Variants in CTNNA1 observed in about 807,000 individuals in gnomAD.
CTNNA1 encodes the protein catenin alpha 1.
In CTNNA1, 37 loss-of-function variants were observed where a neutral mutation model predicts 98.4. The observed-to-expected ratio is 0.38, with a 90% CI of 0.29 to 0.49. The LOEUF (loss-of-function observed/expected upper bound fraction) is 0.49, where lower values mean the gene tolerates loss of function less well. Ranked by LOEUF, CTNNA1 falls within the 20% of genes least tolerant of loss-of-function variation. CTNNA1 has a pLI of 0.95. For missense variants in CTNNA1, 761 were observed against 1,147.2 expected (o/e 0.66, Z 4.86); for synonymous variants, 404 against 413.2 (o/e 0.98, Z 0.27).
intron 3 of CTNNA1, among the ~76,000 whole-genome samples, chr5:138,797,942 T>G (rs1757149132): frequency 6.6e-6 from 1 of 152,188 alleles, no homozygotes; most frequent in East Asian, 1.9e-4. Flanking sequence ...AAGCTTTGGT[T>G]GTAGCTATTA....
At chr5:138,799,896 G>GTC (rs370766965) in intron 3 of CTNNA1, among the ~76,000 whole-genome samples, 1 of 150,544 alleles carries the variant, frequency 6.6e-6, no homozygotes, top group Non-Finnish European at 1.5e-5. Context: ...ATGTATGTGT[G>GTC]TGTGTATGTG....
At chr5:138,846,653 A>G (rs762477269) in intron 7 of CTNNA1, among the ~76,000 whole-genome samples, 27 of 152,152 alleles carry the variant, frequency 1.8e-4, no homozygotes, top group Non-Finnish European at 3.4e-4. Context: ...TGACCTCTTT[A>G]ATCTTCTGAC....
chr5:138,930,131 T>A (rs1408958425), intron 14 of CTNNA1, among the ~76,000 whole-genome samples: 1 of 152,172 alleles, frequency 6.6e-6, no homozygotes, highest in African/African-American at 2.4e-5. Flanking sequence ...GGGAAAGGGC[T>A]CCACACTTTC....
At chr5:138,852,678 A>G (rs1039867779) in intron 7 of CTNNA1, among the ~76,000 whole-genome samples, 7 of 152,124 alleles carry the variant, frequency 4.6e-5, no homozygotes, top group Admixed American at 1.3e-4. Context: ...TGCCTTTTCC[A>G]TAAATGAAAT....
intron 1 of CTNNA1, among the ~76,000 whole-genome samples, chr5:138,771,940 G>A (rs1580910635): frequency 6.6e-6 from 1 of 152,044 alleles, no homozygotes; most frequent in African/African-American, 2.4e-5. Context: ...AAAAAAATTG[G>A]CATTGAGTAG....
At chr5:138,847,072 G>T (rs1170012101) in intron 7 of CTNNA1, among the ~76,000 whole-genome samples, 1 of 152,168 alleles carries the variant, frequency 6.6e-6, no homozygotes, top group African/African-American at 2.4e-5. Flanking sequence ...TTAAATACAT[G>T]GTAGTATCTG....
chr5:138,787,772 TTG>T (rs1284838466), intron 3 of CTNNA1, among the ~76,000 whole-genome samples: 1 of 152,246 alleles, frequency 6.6e-6, no homozygotes, highest in African/African-American at 2.4e-5. Context: ...AACTTTCTTT[TTG>T]TGTTAGACCC....
intron 7 of CTNNA1, among the ~76,000 whole-genome samples, chr5:138,859,195 T>C (rs934029143): frequency 1.3e-5 from 2 of 152,246 alleles, no homozygotes; most frequent in African/African-American, 2.4e-5. Context: ...GCTGACCATA[T>C]TCCTATTTGT....
chr5:138,815,717 G>A (rs1024037436), intron 5 of CTNNA1, among the ~76,000 whole-genome samples: 1 of 151,716 alleles, frequency 6.6e-6, no homozygotes, highest in Non-Finnish European at 1.5e-5. Context: ...TGAATGATAC[G>A]TATTCGCATT....
In CTNNA1 at chr5:138,809,851, A is replaced by G. The variant is rs577430682; in HGVS notation, c.302-187A>G. Among the ~76,000 whole-genome samples the G allele has an allele frequency of 8.2e-4, 125 of 152,284 alleles. 1 individual carries two copies. In the South Asian group the frequency reaches 0.012, roughly 14 times the overall value. ...ATTTTGCTTTCACCAGCAATATATG[A>G]AGGTGCTTTTTTTAGTGATAGCTAT... On this transcript the variant is annotated intron_variant, in intron 3 of 17. Coordinates refer to ENST00000302763, the MANE Select transcript of CTNNA1 (RefSeq NM_001903.5).
chr5:138,781,991 C>G lies in CTNNA1; in HGVS notation c.67C>G (p.Leu23Val). 1 of 1,608,038 alleles carries G rather than the reference C, an allele frequency of 6.2e-7. No homozygotes were observed. Among genetic ancestry groups the G allele is most frequent in the Non-Finnish European group, 8.5e-7 (1 of 1,178,802 alleles). Residue 23 changes from leucine (L) to valine (V), a missense_variant, in exon 2 of 18, where the codon CTG becomes GTG. By Grantham distance (32) the Leu-to-Val change is conservative. Transcript: ENST00000302763. ...WDPKSLEIRT[L>V]AVERLLEPLV... ...TCCTAAAAGTCTAGAGATCAGGACT[C>G]TGGCAGTTGAGAGACTGTTGGAGCC...
At chr5:138,925,761 A>G (rs1321166988) in intron 13 of CTNNA1, among the ~76,000 whole-genome samples, 1 of 152,198 alleles carries the variant, frequency 6.6e-6, no homozygotes, top group Non-Finnish European at 1.5e-5. Flanking sequence ...GATTCAAGTT[A>G]TTGTTCACAT....
chr5:138,932,534 GGGCCA>G (rs765382146), intron 16 of CTNNA1, 39 bp from the exon 17 acceptor site: 13 of 1,605,644 alleles, frequency 8.1e-6, no homozygotes, highest in Non-Finnish European at 1.1e-5. Flanking sequence ...GGGGGTGCTT[GGGCCA>G]GGCCAGGATA....
chr5:138,808,207 T>A (rs1489590837), intron 3 of CTNNA1, among the ~76,000 whole-genome samples: 1 of 152,214 alleles, frequency 6.6e-6, no homozygotes, highest in Non-Finnish European at 1.5e-5. Flanking sequence ...ACTCTATAAT[T>A]TGTGAACCCT....
chr5:138,867,326 T>C (rs1764880921), intron 7 of CTNNA1, among the ~76,000 whole-genome samples: 1 of 152,172 alleles, frequency 6.6e-6, no homozygotes. Context: ...TATTCCTCCA[T>C]GTGGTCCTGC....
chr5:138,914,310 A>G (rs2150208863), intron 10 of CTNNA1, among the ~76,000 whole-genome samples: 1 of 152,364 alleles, frequency 6.6e-6, no homozygotes, highest in African/African-American at 2.4e-5. Flanking sequence ...TGATACATGG[A>G]TACATTATTG....
intron 7 of CTNNA1, among the ~76,000 whole-genome samples, chr5:138,851,372 C>T (rs567198282): frequency 5.9e-5 from 9 of 152,268 alleles, no homozygotes; most frequent in African/African-American, 2.2e-4. Context: ...GGTGATGCTA[C>T]TTTGCCTGTG....
intron 17 of CTNNA1, chr5:138,933,009 T>TGTAA: frequency 2.6e-6 from 2 of 764,654 alleles, no homozygotes; most frequent in Non-Finnish European, 4.8e-6. Flanking sequence ...GGCAGGTACC[T>TGTAA]GTAAGTCCCA....
intron 3 of CTNNA1, among the ~76,000 whole-genome samples, chr5:138,804,134 T>G (rs999005674): frequency 2.6e-5 from 4 of 152,180 alleles, no homozygotes; most frequent in Non-Finnish European, 4.4e-5. Context: ...GTATCTTAAT[T>G]GACACTCACA....
Sources: allele counts gnomAD v4.1 joint callset (sites outside exome capture counted in the v4.1 genomes callset), GRCh38; gene constraint gnomAD v4.1.1; transcripts MANE v1.5; gene names NCBI Gene and HGNC (gene_info 2026-07-23, HGNC 2026-07-21).